SNX29: variants seen among roughly 807,000 people sequenced by gnomAD.
The protein encoded by SNX29 is sorting nexin 29.
A neutral mutation model predicts 102.1 loss-of-function variants in SNX29; 78 were observed. That is an observed-to-expected ratio of 0.76 (90% CI 0.64 to 0.92). The LOEUF is 0.92. SNX29 is among the 40% of genes least tolerant of loss of function. SNX29 has a pLI of 0.00. For synonymous variants in SNX29, 580 were observed against 414.5 expected (o/e 1.40, Z -4.85); for missense variants, 1,280 against 1,061.7 (o/e 1.21, Z -2.86).
At chr16:12,450,491 A>G (rs895436349) in intron 18 of SNX29, among the ~76,000 whole-genome samples, 17 of 152,238 alleles carry the variant, frequency 1.1e-4, no homozygotes, top group African/African-American at 3.9e-4. Context: ...ATCATAGGCA[A>G]TGATGTGCCC....
chr16:12,145,731 C>G (rs1456911881), intron 13 of SNX29, among the ~76,000 whole-genome samples: 1 of 152,170 alleles, frequency 6.6e-6, no homozygotes, highest in African/African-American at 2.4e-5. Flanking sequence ...TACAATAATA[C>G]AGTAAACAAC....
At chr16:12,494,245 A>G (rs1332620439) in intron 19 of SNX29, among the ~76,000 whole-genome samples, 2 of 152,114 alleles carry the variant, frequency 1.3e-5, no homozygotes, top group Non-Finnish European at 2.9e-5. Context: ...CATTCACACT[A>G]GACCCCACCA....
In SNX29 at chr16:12,570,058, T is replaced by C. The variant is rs1269575739; in HGVS notation, c.*1429T>C. 6.7e-6 allele frequency: 4 copies of C among 598,478 alleles called. No individual in the cohort carries two copies. The highest frequency in any genetic ancestry group is 5.6e-5 in the East Asian group (1 of 17,946). 37.1% of individuals were successfully genotyped at this position (598,478 alleles called of 1,614,324 possible). On this transcript the variant is annotated 3_prime_UTR_variant, in exon 21 of 21. Coordinates refer to ENST00000566228, the MANE Select transcript of SNX29 (RefSeq NM_032167.5). ...CATCTCCTAGGCTCGAGGACATCTC[T>C]GGAGAATCATCTGGAAGGTTTATAC...
intron 11 of SNX29, among the ~76,000 whole-genome samples, chr16:12,084,640 G>A (rs1332580536): frequency 6.6e-6 from 1 of 152,156 alleles, no homozygotes; most frequent in Non-Finnish European, 1.5e-5. Flanking sequence ...CTGGGCTCAG[G>A]TTCCAGCTGA....
chr16:12,056,398 G>C (rs1018920424), intron 8 of SNX29, among the ~76,000 whole-genome samples: 1 of 152,226 alleles, frequency 6.6e-6, no homozygotes, highest in Admixed American at 6.5e-5. Flanking sequence ...GGCATTAAGA[G>C]GGATCTTGAC....
In SNX29 at chr16:12,569,567, C is replaced by G. The variant is rs17223484; in HGVS notation, c.*938C>G. On this transcript the variant is annotated 3_prime_UTR_variant, in exon 21 of 21. Transcript: ENST00000566228. ...GACACTTAACAGATCATGTGTCTCT[C>G]CACTAAAAACATTTTCCATCCCGTC... is the stretch of plus-strand genomic sequence containing the variant. 7,129 of 230,920 alleles carry G rather than the reference C, an allele frequency of 0.031. 144 individuals carry two copies. Among genetic ancestry groups the G allele is most frequent in the Non-Finnish European group, 0.048 (5,541 of 116,612 alleles). 14.3% of individuals were successfully genotyped at this position (230,920 alleles called of 1,614,324 possible). A position where few individuals can be genotyped will look rare whatever the true frequency, so the allele number is the denominator to read the frequency against.
intron 3 of SNX29, among the ~76,000 whole-genome samples, chr16:12,023,299 T>C (rs930268475): frequency 1.3e-5 from 2 of 150,530 alleles, no homozygotes; most frequent in African/African-American, 4.9e-5. Context: ...AAGTTTGGTG[T>C]GATAAAATGG....
chr16:12,501,216 T>C (rs1442499631), intron 19 of SNX29, among the ~76,000 whole-genome samples: 2 of 151,666 alleles, frequency 1.3e-5, no homozygotes, highest in Admixed American at 6.6e-5. Context: ...GGCAACATAG[T>C]GAGACCCCAT....
chr16:12,538,231 TCA>T (rs2077166111), intron 20 of SNX29, among the ~76,000 whole-genome samples: 2 of 152,268 alleles, frequency 1.3e-5, no homozygotes, highest in African/African-American at 4.8e-5. Flanking sequence ...TTCTTGTGCC[TCA>T]GTCTCCCTAG....
chr16:12,040,799 A>T (rs1223557943), intron 4 of SNX29, among the ~76,000 whole-genome samples: 1 of 152,250 alleles, frequency 6.6e-6, no homozygotes, highest in South Asian at 2.1e-4. Flanking sequence ...ACATATAAAT[A>T]TGTATGCATA....
At chr16:12,506,634 C>G (rs1233337748) in intron 19 of SNX29, among the ~76,000 whole-genome samples, 1 of 152,208 alleles carries the variant, frequency 6.6e-6, no homozygotes, top group African/African-American at 2.4e-5. Flanking sequence ...AATCACTGAG[C>G]TTTCTAGCAT....
chr16:12,339,862 T>C (rs1463115811), intron 15 of SNX29, among the ~76,000 whole-genome samples: 2 of 152,124 alleles, frequency 1.3e-5, no homozygotes, highest in African/African-American at 4.8e-5. Context: ...AATACACTCA[T>C]TGGCAGGGCC....
intron 18 of SNX29, among the ~76,000 whole-genome samples, chr16:12,426,961 C>T (rs1367213979): frequency 2.0e-5 from 3 of 152,184 alleles, no homozygotes; most frequent in African/African-American, 7.2e-5. Flanking sequence ...GCCACCATGC[C>T]TGGCCAGTAT....
At chr16:12,274,354 T>C (rs2079180883) in intron 14 of SNX29, among the ~76,000 whole-genome samples, 1 of 152,188 alleles carries the variant, frequency 6.6e-6, no homozygotes, top group African/African-American at 2.4e-5. Context: ...GTCCCCTGTG[T>C]TCTCAAGTCT....
intron 18 of SNX29, among the ~76,000 whole-genome samples, chr16:12,445,102 C>T (rs533891015): frequency 1.3e-4 from 20 of 152,016 alleles, no homozygotes; most frequent in Non-Finnish European, 2.8e-4. Context: ...CTACCCACCT[C>T]GGCCTCTCAA....
intron 8 of SNX29, among the ~76,000 whole-genome samples, chr16:12,058,492 TTG>T (rs954142303): frequency 7.6e-6 from 1 of 131,368 alleles, no homozygotes; most frequent in Non-Finnish European, 1.6e-5. Context: ...TTTTTGGTTT[TTG>T]GTTTTTTTTT....
At chr16:12,494,488 C>G (rs554589333) in intron 19 of SNX29, among the ~76,000 whole-genome samples, 2 of 152,152 alleles carry the variant, frequency 1.3e-5, no homozygotes, top group African/African-American at 4.8e-5. Context: ...AGATTGCATT[C>G]TTTCACTTGC....
intron 18 of SNX29, among the ~76,000 whole-genome samples, chr16:12,431,583 T>TA (rs143895567): frequency 3.7e-4 from 55 of 148,538 alleles, no homozygotes; most frequent in East Asian, 5.9e-4. Flanking sequence ...CTCATTCCCT[T>TA]AAAAAAAAAA....
chr16:12,092,042 C>T (rs551350495), intron 11 of SNX29, among the ~76,000 whole-genome samples: 6 of 152,306 alleles, frequency 3.9e-5, no homozygotes, highest in Non-Finnish European at 7.3e-5. Flanking sequence ...CTTTCCCTGG[C>T]CGTCCATCTA....
Sources: gnomAD v4.1 joint callset for allele counts (sites outside exome capture counted in the v4.1 genomes callset) on GRCh38, gnomAD v4.1.1 for gene constraint, MANE v1.5 for transcripts, NCBI Gene and HGNC (gene_info 2026-07-23, HGNC 2026-07-21) for gene names.